The following CRMP1 variants were observed in gnomAD, a reference collection of about 807,000 sequenced individuals.
CRMP1 encodes dihydropyrimidinase-related protein 1.
A neutral mutation model predicts 68.3 loss-of-function variants in CRMP1; 19 were observed. The observed-to-expected ratio is 0.28, with a 90% CI of 0.19 to 0.41. CRMP1 has a LOEUF of 0.41. Among genes scored for constraint, CRMP1 ranks in the 10% least tolerant of loss-of-function variants. The pLI, the probability that CRMP1 is intolerant of heterozygous loss-of-function variation, is 1.00. For synonymous variants in CRMP1, 439 were observed against 399.6 expected, an observed-to-expected ratio of 1.10 and a Z score of -1.18; for missense variants, 791 against 967.4, an observed-to-expected ratio of 0.82 and a Z score of 2.42.
In CRMP1 at chr4:5,828,519, G is replaced by T; in HGVS notation, c.1773C>A (p.His591Gln). 2 of 1,614,228 alleles carry T rather than the reference G, an allele frequency of 1.2e-6. No individual in the cohort carries two copies. Among genetic ancestry groups the T allele is most frequent in the Admixed American group, 1.7e-5 (1 of 60,026 alleles). Residue 591 changes from histidine to glutamine, a missense_variant, in exon 12 of 14, where the codon CAC becomes CAA. His to Gln is a conservative substitution (Grantham distance 24, BLOSUM62 0). Coordinates refer to ENST00000324989, the MANE Select transcript of CRMP1 (RefSeq NM_001014809.3). Reference protein sequence around the residue: ...RFIPRKAFPEHLYQRVKIRNK... With the variant: ...RFIPRKAFPEQLYQRVKIRNK... ...TCCTGATTTTGACGCGCTGGTACAG[G>T]TGCTCCGGGAACGCCTTCCGCGGAA... is the stretch of plus-strand genomic sequence containing the variant.
intron 3 of CRMP1, among the ~76,000 whole-genome samples, chr4:5,857,018 C>G (rs934609778): frequency 6.0e-5 from 1 of 16,588 alleles, no homozygotes; most frequent in African/African-American, 2.0e-4. Flanking sequence ...TCACCACCAT[C>G]TGCTATCATC....
Position 5,860,083 on chromosome 4 carries a change from G to A in CRMP1, c.655+943C>T, listed in dbSNP as rs1713423451. Among the ~76,000 whole-genome samples the A allele has an allele frequency of 6.6e-6, 1 of 152,134 alleles. No individual in the cohort carries two copies. On this transcript the variant is annotated intron_variant, in intron 3 of 13. Coordinates refer to ENST00000324989, the MANE Select transcript of CRMP1 (RefSeq NM_001014809.3). The surrounding 1 kb of genome is among the most constrained non-coding windows in gnomAD (Gnocchi z 4.2). ...CCAGTTTCCCAGACCGAGCACTGCT[G>A]GGGAGTGGTCTCACTGCCCGCAGTG...
chr4:5,857,020 G>A (rs999709876), intron 3 of CRMP1, among the ~76,000 whole-genome samples: 35 of 4,178 alleles, frequency 8.4e-3, no homozygotes, highest in South Asian at 0.049. Flanking sequence ...ACCACCATCT[G>A]CTATCATCAC....
At chr4:5,836,148 G>T (rs922389865) in intron 10 of CRMP1, 63 bp from the exon 11 acceptor site, 77 of 1,331,992 alleles carry the variant, frequency 5.8e-5, no homozygotes, top group Non-Finnish European at 6.9e-5. Flanking sequence ...AGGGGCAGCT[G>T]GGCACAAATG....
intron 9 of CRMP1, among the ~76,000 whole-genome samples, chr4:5,839,168 C>T (rs73797917): frequency 6.6e-6 from 1 of 152,328 alleles, no homozygotes; most frequent in African/African-American, 2.4e-5. Context: ...ACGAGGGAGA[C>T]AGAGAGATGT....
chr4:5,851,224 A>C (rs556751077), intron 5 of CRMP1, among the ~76,000 whole-genome samples, 184 bp downstream of exon 5: 1 of 152,236 alleles, frequency 6.6e-6, no homozygotes, highest in Non-Finnish European at 1.5e-5. Flanking sequence ...TCACACAGTC[A>C]GAAAAGAACA....
At position 5,834,472 on chromosome 4, in the gene CRMP1, A is replaced by G. The variant is rs1223040284; in HGVS notation, c.1623+1443T>C. On this transcript the variant is annotated intron_variant, in intron 11 of 13. Coordinates refer to ENST00000324989, the MANE Select transcript of CRMP1 (RefSeq NM_001014809.3). This position sits in a 1 kb window ranked among gnomAD's most constrained non-coding sequence, Gnocchi z 4.3. The stretch of plus-strand genomic sequence containing the variant: ...TCCTTCTGCCCTCTGCCATGGGATA[A>G]CTCAGCAAGAAGGCCTTTGCCAGAT... Among the ~76,000 whole-genome samples, 1 of 152,110 alleles carries G rather than the reference A, an allele frequency of 6.6e-6. No individual in the cohort carries two copies. Among genetic ancestry groups the G allele is most frequent in the Non-Finnish European group, 1.5e-5 (1 of 68,020 alleles).
At chr4:5,887,046 G>T (rs1715641051) in intron 1 of CRMP1, among the ~76,000 whole-genome samples, 1 of 152,180 alleles carries the variant, frequency 6.6e-6, no homozygotes, top group Non-Finnish European at 1.5e-5. Context: ...GGGGAGGCAG[G>T]GGGCCTGGGT....
At position 5,834,745 on chromosome 4, in the gene CRMP1, A is replaced by G. The variant is rs1720617971; in HGVS notation, c.1623+1170T>C. ...AGAATTGCAAGCCCTGCTGGACTGT[A>G]CATGTGCGTGGCATAAACCTTTCTC... On this transcript the variant is annotated intron_variant, in intron 11 of 13. Transcript: ENST00000324989. This position sits in a 1 kb window ranked among gnomAD's most constrained non-coding sequence, Gnocchi z 4.3. Among the ~76,000 whole-genome samples the G allele has an allele frequency of 6.6e-6, 1 of 152,196 alleles. No individual in the cohort carries two copies. Among genetic ancestry groups the G allele is most frequent in the Admixed American group, 6.5e-5 (1 of 15,282 alleles).
intron 1 of CRMP1, among the ~76,000 whole-genome samples, chr4:5,871,234 T>C (rs114720396): frequency 7.9e-4 from 120 of 152,334 alleles, no homozygotes; most frequent in Non-Finnish European, 1.3e-3. Context: ...CTTCATGTTC[T>C]TTCTTAAAAT....
Position 5,889,698 on chromosome 4 carries a change from T to C in CRMP1, c.381+2891A>G. ...ACAGGTCCTATGAAACTACTCATCT[T>C]TTCTGCTTTCAAGTTGCCATCCAGA... On this transcript the variant is annotated intron_variant, in intron 1 of 13. Coordinates refer to ENST00000324989, the MANE Select transcript of CRMP1 (RefSeq NM_001014809.3). This position sits in a 1 kb window ranked among gnomAD's most constrained non-coding sequence, Gnocchi z 4.5. 5 of 1,536,086 alleles carry C rather than the reference T, an allele frequency of 3.3e-6. No homozygotes were observed. Among genetic ancestry groups the C allele is most frequent in the East Asian group, 4.9e-5 (2 of 40,884 alleles).
At chr4:5,846,305 TA>T (rs942565843) in intron 6 of CRMP1, among the ~76,000 whole-genome samples, 1 of 151,996 alleles carries the variant, frequency 6.6e-6, no homozygotes, top group African/African-American at 2.4e-5. Flanking sequence ...CAAAAAAATT[TA>T]AAAAAAATTT....
In CRMP1 at chr4:5,888,884, C is replaced by A. The variant is rs1560525752; in HGVS notation, c.381+3705G>T. 6.6e-6 allele frequency among the ~76,000 whole-genome samples: 1 copy of A among 151,912 alleles called. No homozygotes were observed. Among genetic ancestry groups the A allele is most frequent in the Non-Finnish European group, 1.5e-5 (1 of 67,944 alleles). ...AAGGATCGGCCCAAGCTGCTGGGAA[C>A]GTTCTTGTCCCTCCAGGATCGCGCC... On this transcript the variant is annotated intron_variant, in intron 1 of 13. Coordinates refer to ENST00000324989, the MANE Select transcript of CRMP1 (RefSeq NM_001014809.3). The surrounding 1 kb of genome is among the most constrained non-coding windows in gnomAD (Gnocchi z 6.4).
At position 5,853,302 on chromosome 4, in the gene CRMP1, A is replaced by G. The variant is rs1272555206; in HGVS notation, c.821-1833T>C. ...GTGGCAGGTGCCTGTAATCCAAGCTACTTGGGAGGCTGAGGGGGAAGAATC... is the reference window on the plus strand; with the variant it reads ...GTGGCAGGTGCCTGTAATCCAAGCTGCTTGGGAGGCTGAGGGGGAAGAATC... On this transcript the variant is annotated intron_variant, in intron 4 of 13. Coordinates refer to ENST00000324989, the MANE Select transcript of CRMP1 (RefSeq NM_001014809.3). The surrounding 1 kb of genome is among the most constrained non-coding windows in gnomAD (Gnocchi z 4.7). Among the ~76,000 whole-genome samples the G allele has an allele frequency of 6.6e-6, 1 of 152,172 alleles. No homozygotes were observed. The highest frequency in any genetic ancestry group is 2.4e-5 in the African/African-American group (1 of 41,450).
chr4:5,882,354 CAG>C (rs1263645904), intron 1 of CRMP1, among the ~76,000 whole-genome samples: 4 of 152,326 alleles, frequency 2.6e-5, no homozygotes, highest in Middle Eastern at 3.4e-3. Flanking sequence ...CACCAGTAAA[CAG>C]GGGCAAAGTT....
intron 1 of CRMP1, among the ~76,000 whole-genome samples, chr4:5,876,849 T>C (rs1391027369): frequency 2.0e-5 from 3 of 150,890 alleles, no homozygotes; most frequent in Non-Finnish European, 4.4e-5. Flanking sequence ...TATCAAGATA[T>C]TCATTCACCA....
At chr4:5,887,605 C>A (rs1406374659) in intron 1 of CRMP1, 1 of 984,992 alleles carries the variant, frequency 1.0e-6, no homozygotes, top group Non-Finnish European at 1.2e-6. Flanking sequence ...CGCGGCCCAG[C>A]GTCGGGAACA....
intron 12 of CRMP1, chr4:5,827,960 G>A (rs749452972): frequency 1.5e-4 from 127 of 864,744 alleles, no homozygotes; most frequent in South Asian, 2.1e-4. Context: ...TGCTAAGGTT[G>A]TTCAAGGAAA....
Position 5,851,395 on chromosome 4 carries a change from G to A in CRMP1, c.882+13C>T. ...CCAGACAAGAGAGGAGAGAGTGAGTGTGAGGGACCTACCTGGCTGTCGGAC... is the reference window on the plus strand; with the variant it reads ...CCAGACAAGAGAGGAGAGAGTGAGTATGAGGGACCTACCTGGCTGTCGGAC... On this transcript the variant is annotated intron_variant, in intron 5 of 13. Coordinates refer to ENST00000324989, the MANE Select transcript of CRMP1 (RefSeq NM_001014809.3). 1 of 1,613,548 alleles carries A rather than the reference G, an allele frequency of 6.2e-7. No homozygotes were observed. The highest frequency in any genetic ancestry group is 8.5e-7 in the Non-Finnish European group (1 of 1,179,398).
Sources: allele counts gnomAD v4.1 joint callset (sites outside exome capture counted in the v4.1 genomes callset), GRCh38; gene constraint gnomAD v4.1.1; non-coding constraint Gnocchi (gnomAD v3.1); transcripts MANE v1.5; gene names NCBI Gene and HGNC (gene_info 2026-07-23, HGNC 2026-07-21).